ZNF676: variants seen among roughly 807,000 people sequenced by gnomAD.
ZNF676 encodes the protein zinc finger protein 676.
ZNF676 carries 4 observed loss-of-function variants against 6.0 expected under a neutral mutation model. That is an observed-to-expected ratio of 0.67 (90% CI 0.33 to 1.53). The LOEUF is 1.53. Ranked by LOEUF, ZNF676 falls within the 40% of genes most tolerant of loss-of-function variation. The probability of loss-of-function intolerance (pLI) is 0.06; values close to 1 mark genes in which losing one functional copy is unlikely to be tolerated. For missense variants in ZNF676, 644 were observed against 679.7 expected, an observed-to-expected ratio of 0.95 and a Z score of 0.58; for synonymous variants, 198 against 223.1, an observed-to-expected ratio of 0.89 and a Z score of 1.00.
At chr19:22,181,833 TAGAAAACA>T (rs903702829) in intron 2 of ZNF676, among the ~76,000 whole-genome samples, 1 of 152,090 alleles carries the variant, frequency 6.6e-6, no homozygotes, top group African/African-American at 2.4e-5. Flanking sequence ...AAGAGCCACA[TAGAAAACA>T]AGAAAAGTTT....
chr19:22,205,556 CT>C (rs1174513687), intron 1 of ZNF676, among the ~76,000 whole-genome samples: 14 of 152,214 alleles, frequency 9.2e-5, no homozygotes, highest in African/African-American at 3.4e-4. Flanking sequence ...ACTTGAATAA[CT>C]TTTTTGGTAA....
the ZNF676 span, among the ~76,000 whole-genome samples, chr19:22,221,752 A>G: frequency 6.6e-6 from 1 of 152,092 alleles, no homozygotes; most frequent in African/African-American, 2.4e-5. Flanking sequence ...CTGTCACAAA[A>G]AAAAAAAACA....
At chr19:22,202,473 T>A (rs1425178720) in intron 1 of ZNF676, among the ~76,000 whole-genome samples, 2 of 152,142 alleles carry the variant, frequency 1.3e-5, no homozygotes, top group African/African-American at 4.8e-5. Flanking sequence ...AAAAGGCCCA[T>A]CTATAGTAAA....
intron 1 of ZNF676, among the ~76,000 whole-genome samples, chr19:22,206,876 GC>G (rs1341541779): frequency 6.6e-6 from 1 of 152,018 alleles, no homozygotes; most frequent in African/African-American, 2.4e-5. Context: ...TGCACAAAAA[GC>G]CTTCAATAAA....
intron 1 of ZNF676, among the ~76,000 whole-genome samples, chr19:22,214,179 G>C (rs2024160013): frequency 6.6e-6 from 1 of 152,222 alleles, no homozygotes; most frequent in African/African-American, 2.4e-5. Flanking sequence ...TGGAGAAATA[G>C]GGGGTGGCAG....
the ZNF676 span, among the ~76,000 whole-genome samples, chr19:22,233,291 G>A: frequency 6.6e-6 from 1 of 151,872 alleles, no homozygotes; most frequent in South Asian, 2.1e-4. Flanking sequence ...TTACAGGTGT[G>A]AGCCATCTCA....
In ZNF676 at chr19:22,215,075, G is replaced by T. The variant is rs551943011; in HGVS notation, c.3+557C>A. Among the ~76,000 whole-genome samples the T allele has an allele frequency of 1.3e-3, 176 of 139,038 alleles. 5 individuals carry two copies. The South Asian group carries it at 0.034, about 27-fold the overall frequency. The allele number at this position is 139,038 out of a possible 152,430, so 91.2% of individuals were successfully genotyped here. On this transcript the variant is annotated intron_variant, in intron 1 of 3. Coordinates refer to the ZNF676 transcript ENST00000650058. ...AAAAAAAAAAACAACAAAAAACCAG[G>T]AAACTACATAACTGTACCTAACCAA...
At chr19:22,230,612 A>ATGTATGTATATTATATATATGTATG in the ZNF676 span, among the ~76,000 whole-genome samples, 9 of 151,022 alleles carry the variant, frequency 6.0e-5, no homozygotes, top group East Asian at 1.6e-3. Context: ...GTGTATATAT[A>ATGTATGTATATTATATATATGTATG]TGTATGTATA....
chr19:22,196,620 T>C lies in ZNF676; in HGVS notation c.14A>G (p.Tyr5Cys). Reference sequence around the variant, plus strand: ...CTCACCCAGGAAGACCAGGTTTCTGTAGTTCTCTAACATCACATTCCTATA... The same window carrying C: ...CTCACCCAGGAAGACCAGGTTTCTGCAGTTCTCTAACATCACATTCCTATA... MLEN[Y>C]RNLVFLGIAA... Residue 5 changes from tyrosine (Y) to cysteine (C), a missense_variant, in exon 1 of 3, where the codon TAC becomes TGC. Physicochemically the swap from Tyr to Cys is radical, Grantham distance 194. Transcript: ENST00000397121. The C allele has an allele frequency of 6.2e-7, 1 of 1,613,798 alleles. No homozygotes were observed. Among genetic ancestry groups the C allele is most frequent in the Non-Finnish European group, 8.5e-7 (1 of 1,179,696 alleles).
intron 2 of ZNF676, among the ~76,000 whole-genome samples, chr19:22,185,310 G>A (rs1474298836): frequency 6.6e-6 from 1 of 152,088 alleles, no homozygotes; most frequent in Non-Finnish European, 1.5e-5. Flanking sequence ...AAACAGAAAG[G>A]AATAGAAGCA....
chr19:22,183,361 A>G (rs1411070676), intron 2 of ZNF676, among the ~76,000 whole-genome samples: 1 of 152,126 alleles, frequency 6.6e-6, no homozygotes, highest in Non-Finnish European at 1.5e-5. Context: ...TTTTGAGACA[A>G]AGTTTTACTC....
chr19:22,240,773 CTGAG>C, the ZNF676 span, among the ~76,000 whole-genome samples: 5 of 152,072 alleles, frequency 3.3e-5, no homozygotes, highest in South Asian at 8.3e-4. Flanking sequence ...GCCTAGGTGA[CTGAG>C]TGAGACTCCA....
At chr19:22,219,430 T>C (rs1240509635), upstream of ZNF676, among the ~76,000 whole-genome samples, 1 of 152,090 alleles carries the variant, frequency 6.6e-6, no homozygotes, top group Non-Finnish European at 1.5e-5. Context: ...TTTTAGGGTT[T>C]CCCAGGTACA....
intron 2 of ZNF676, among the ~76,000 whole-genome samples, chr19:22,183,270 T>C (rs1408569186): frequency 6.6e-6 from 1 of 152,196 alleles, no homozygotes; most frequent in Non-Finnish European, 1.5e-5. Context: ...GTAACTCCTT[T>C]ACTTTCAGAA....
chr19:22,182,096 T>A (rs2023763719), intron 2 of ZNF676, among the ~76,000 whole-genome samples: 1 of 152,122 alleles, frequency 6.6e-6, no homozygotes, highest in South Asian at 2.1e-4. Context: ...CAAAGGTAAA[T>A]GCACTGCAGC....
the ZNF676 span, among the ~76,000 whole-genome samples, chr19:22,221,886 G>C: frequency 6.6e-6 from 1 of 152,044 alleles, no homozygotes; most frequent in South Asian, 2.1e-4. Flanking sequence ...AAGTCCATTT[G>C]TTCTAAGGTG....
chr19:22,195,520 G>A (rs2023958471), intron 1 of ZNF676, among the ~76,000 whole-genome samples: 1 of 152,136 alleles, frequency 6.6e-6, no homozygotes. Flanking sequence ...CTATTGTGAT[G>A]TCCTCTGTAG....
chr19:22,201,142 T>C (rs1297686718), upstream of ZNF676, among the ~76,000 whole-genome samples: 1 of 152,146 alleles, frequency 6.6e-6, no homozygotes, highest in Admixed American at 6.5e-5. Flanking sequence ...GTTGGGTAAG[T>C]AGAAGGACAA....
At chr19:22,192,143 A>G (rs1019483458) in intron 2 of ZNF676, among the ~76,000 whole-genome samples, 2 of 123,112 alleles carry the variant, frequency 1.6e-5, no homozygotes, top group African/African-American at 7.1e-5. Flanking sequence ...AAAATATAAA[A>G]TTAACATACA....
Sources: gnomAD v4.1 joint callset for allele counts (sites outside exome capture counted in the v4.1 genomes callset) on GRCh38, gnomAD v4.1.1 for gene constraint, MANE v1.5 for transcripts, NCBI Gene and HGNC (gene_info 2026-07-23, HGNC 2026-07-21) for gene names.